DGKD: variants seen among roughly 807,000 people sequenced by gnomAD.
The protein encoded by DGKD is diacylglycerol kinase delta, also known as DAG kinase delta.
In DGKD, 68 loss-of-function variants were observed where a neutral mutation model predicts 154.4. The ratio of observed to expected loss-of-function variants is 0.44; its 90% CI spans 0.36 to 0.54. DGKD has a LOEUF of 0.54. Ranked by LOEUF, DGKD falls within the 20% of genes least tolerant of loss-of-function variation. The pLI is 0.00. For synonymous variants in DGKD, 693 were observed against 638.0 expected, an observed-to-expected ratio of 1.09 and a Z score of -1.30; for missense variants, 1,343 against 1,593.6, an observed-to-expected ratio of 0.84 and a Z score of 2.68.
intron 1 of DGKD, among the ~76,000 whole-genome samples, chr2:233,380,570 C>G (rs945075396): frequency 6.6e-6 from 1 of 152,174 alleles, no homozygotes; most frequent in Admixed American, 6.5e-5. Flanking sequence ...TCTCCTTGAC[C>G]AGTACTGGGG....
chr2:233,417,544 T>C (rs2125534280), intron 3 of DGKD, among the ~76,000 whole-genome samples: 1 of 152,322 alleles, frequency 6.6e-6, no homozygotes, highest in South Asian at 2.1e-4. Context: ...TATGAGGGTT[T>C]TTAGGAACTC....
At chr2:233,460,007 T>A (rs1189595081) in intron 23 of DGKD, 116 bp downstream of exon 23, 4 of 1,445,806 alleles carry the variant, frequency 2.8e-6, no homozygotes, top group Non-Finnish European at 3.6e-6. Flanking sequence ...TTTTTTTTTT[T>A]AAGACACAAT....
chr2:233,447,435 C>G (rs2063118014), intron 12 of DGKD: 4 of 978,400 alleles, frequency 4.1e-6, no homozygotes, highest in Non-Finnish European at 3.6e-6. Flanking sequence ...GGTCAGCAAA[C>G]AAGGCCTGCA....
At chr2:233,464,598 G>A (rs563650291) in intron 27 of DGKD, among the ~76,000 whole-genome samples, 72 of 152,336 alleles carry the variant, frequency 4.7e-4, no homozygotes, top group African/African-American at 1.7e-3. Flanking sequence ...AGCCTCCCCC[G>A]AGGGTGGAGA....
chr2:233,454,862 A>T lies in DGKD; in HGVS notation c.2364A>T (p.Pro788=). ...TTAACAACAAGCGCGATGAGCACCC[A>T]GAGAAGTGCAGGTAGGTAACAGGCT... is the stretch of plus-strand genomic sequence containing the variant. ...LDFNNKRDEH[P]EKCRSRTKNM... The change falls in exon 19 of 30, where the codon CCA becomes CCT. Residue 788 remains proline, a synonymous_variant. Transcript: ENST00000264057. The T allele has an allele frequency of 6.2e-7, 1 of 1,611,602 alleles. No individual in the cohort carries two copies. The highest frequency in any genetic ancestry group is 8.5e-7 in the Non-Finnish European group (1 of 1,177,708).
chr2:233,452,042 A>G lies in DGKD; in HGVS notation c.2246A>G (p.Asn749Ser). 1 of 1,613,954 alleles carries G rather than the reference A, an allele frequency of 6.2e-7. No homozygotes were observed. Among genetic ancestry groups the G allele is most frequent in the East Asian group, 2.2e-5 (1 of 44,880 alleles). ...SRLLINADPFNSEPETLEYYT... is the reference protein window; with the variant it reads ...SRLLINADPFSSEPETLEYYT... ...CTGTTAATTAATGCTGATCCCTTCA[A>G]CTCTGAACCAGAAACCCTGTGAGTA... Residue 749 changes from asparagine to serine, a missense_variant, in exon 18 of 30, where the codon AAC becomes AGC. Transcript: ENST00000264057. This position sits in a 1 kb window ranked among gnomAD's most constrained non-coding sequence, Gnocchi z 4.0.
chr2:233,424,548 C>T (rs1012915518), intron 3 of DGKD, among the ~76,000 whole-genome samples: 1 of 152,230 alleles, frequency 6.6e-6, no homozygotes, highest in Non-Finnish European at 1.5e-5. Context: ...ACCGCTTGTA[C>T]TGAGTGAGCT....
chr2:233,450,563 CTG>C (rs961032543), intron 16 of DGKD, among the ~76,000 whole-genome samples: 3 of 152,196 alleles, frequency 2.0e-5, no homozygotes, highest in Non-Finnish European at 4.4e-5. Context: ...CACCCCCAGC[CTG>C]TGCAGGCTGC....
Position 233,438,157 on chromosome 2 carries a change from G to C in DGKD, c.923-60G>C. The C allele has an allele frequency of 6.4e-7, 1 of 1,572,808 alleles. No individual in the cohort carries two copies. Among genetic ancestry groups the C allele is most frequent in the Middle Eastern group, 2.2e-4 (1 of 4,488 alleles). Reference sequence around the variant, plus strand: ...GGGTCTGCTGCTGCTGATTCCATCAGTGGTGCCCTCAGCGTCTTCCGTGGC... The same window carrying C: ...GGGTCTGCTGCTGCTGATTCCATCACTGGTGCCCTCAGCGTCTTCCGTGGC... On this transcript the variant is annotated intron_variant, in intron 8 of 29. Coordinates refer to ENST00000264057, the MANE Select transcript of DGKD (RefSeq NM_152879.3). The surrounding 1 kb of genome is among the most constrained non-coding windows in gnomAD (Gnocchi z 4.1).
At position 233,449,967 on chromosome 2, in the gene DGKD, ACT is replaced by A. The variant is rs763262829; in HGVS notation, c.1889-11_1889-10del. 1.3e-6 allele frequency: 2 copies of A among 1,575,592 alleles called. No homozygotes were observed. The highest frequency in any genetic ancestry group is 1.7e-4 in the Middle Eastern group (1 of 5,890). On this transcript the variant is annotated splice_polypyrimidine_tract_variant and intron_variant, in intron 15 of 29. Transcript: ENST00000264057. This position sits in a 1 kb window ranked among gnomAD's most constrained non-coding sequence, Gnocchi z 5.3. ...TGCACCCGCGTGCTCAGCCGCACAC[ACT>A]CTCCTTGCACAGCTGTCGATGAGCA...
intron 1 of DGKD, among the ~76,000 whole-genome samples, chr2:233,382,640 G>T (rs1277110182): frequency 2.6e-5 from 4 of 152,062 alleles, no homozygotes; most frequent in Non-Finnish European, 4.4e-5. Flanking sequence ...TCACCCCCAC[G>T]TGGCAGCTGT....
At position 233,450,072 on chromosome 2, in the gene DGKD, G is replaced by A. The variant is rs779662222; in HGVS notation, c.1979G>A (p.Cys660Tyr). The A allele has an allele frequency of 1.9e-5, 30 of 1,613,884 alleles. No individual in the cohort carries two copies. The highest frequency in any genetic ancestry group is 2.4e-5 in the Non-Finnish European group (28 of 1,179,970). The change falls in exon 16 of 30, where the codon TGC becomes TAC. Residue 660 changes from cysteine to tyrosine, a missense_variant. Physicochemically the swap from Cys to Tyr is radical, Grantham distance 194. Transcript: ENST00000264057. Reference protein sequence around the residue: ...ESEEKMDHRVCPPLSHSESFG... With the variant: ...ESEEKMDHRVYPPLSHSESFG... ...GAGGAGAAGATGGACCACAGAGTGT[G>A]CCCACCACTGTCCCACAGCGAGAGC...
intron 3 of DGKD, among the ~76,000 whole-genome samples, chr2:233,423,131 A>G (rs1355579589): frequency 6.6e-6 from 1 of 152,156 alleles, no homozygotes; most frequent in Non-Finnish European, 1.5e-5. Flanking sequence ...CCACGGGTGT[A>G]CCACAGTTTG....
intron 3 of DGKD, among the ~76,000 whole-genome samples, chr2:233,397,795 C>T (rs571769596): frequency 4.6e-5 from 7 of 151,306 alleles, no homozygotes; most frequent in Non-Finnish European, 1.0e-4. Context: ...GTGGAGAGTG[C>T]GGAGGTGTCT....
At position 233,450,008 on chromosome 2, in the gene DGKD, C is replaced by T; in HGVS notation, c.1915C>T (p.Gln639Ter). 6.2e-7 allele frequency: 1 copy of T among 1,610,660 alleles called. No homozygotes were observed. The highest frequency in any genetic ancestry group is 8.5e-7 in the Non-Finnish European group (1 of 1,178,182). ...TGTCGATGAGCAGAATGCCCAGACC[C>T]AGGAGCAGGAGGGCTTCGTCCTGGG... ...KAVDEQNAQT[Q>*]EQEGFVLGLS... Residue 639 changes from glutamine to a stop codon, truncating the protein, a stop_gained, in exon 16 of 30, where the codon CAG (glutamine) becomes TAG (stop). Coordinates refer to ENST00000264057, the MANE Select transcript of DGKD (RefSeq NM_152879.3). LOFTEE classifies it high-confidence loss of function.
At chr2:233,375,381 T>G (rs1434150796) in intron 1 of DGKD, among the ~76,000 whole-genome samples, 2 of 151,998 alleles carry the variant, frequency 1.3e-5, no homozygotes, top group Non-Finnish European at 2.9e-5. Flanking sequence ...GTGGCTGGGC[T>G]CTTGGTGGTC....
intron 3 of DGKD, among the ~76,000 whole-genome samples, chr2:233,401,258 A>G (rs761845884): frequency 3.9e-5 from 6 of 152,114 alleles, no homozygotes; most frequent in Admixed American, 3.9e-4. Context: ...TGTAGGCATG[A>G]TATATGTGTT....
At chr2:233,380,714 G>A (rs939056156) in intron 1 of DGKD, among the ~76,000 whole-genome samples, 1 of 152,184 alleles carries the variant, frequency 6.6e-6, no homozygotes, top group Non-Finnish European at 1.5e-5. Context: ...GCAGCATACC[G>A]CAGTAAGAGA....
rs1575120237 is a variant in DGKD at position 233,438,446 on chromosome 2, A to T, written c.1085+67A>T. On this transcript the variant is annotated intron_variant, in intron 9 of 29. Transcript: ENST00000264057. The surrounding 1 kb of genome is among the most constrained non-coding windows in gnomAD (Gnocchi z 4.1). ...ATTGTGTAGATAGTGTGTGCTTGTT[A>T]AAAAAAAAAAGTTCAAAGACACAAA... The T allele has an allele frequency of 1.8e-6, 1 of 546,866 alleles. No individual in the cohort carries two copies. Among genetic ancestry groups the T allele is most frequent in the Non-Finnish European group, 2.3e-6 (1 of 431,782 alleles). The allele number at this position is 546,866 out of a possible 1,614,324, so 33.9% of individuals were successfully genotyped here. A position where few individuals can be genotyped will look rare whatever the true frequency, so the allele number is the denominator to read the frequency against.
Sources: gnomAD v4.1 joint callset for allele counts (sites outside exome capture counted in the v4.1 genomes callset) on GRCh38, gnomAD v4.1.1 for gene constraint, Gnocchi (gnomAD v3.1) non-coding constraint, MANE v1.5 for transcripts, NCBI Gene and HGNC (gene_info 2026-07-23, HGNC 2026-07-21) for gene names.